The following TXNRD1 variants were observed in gnomAD, a reference collection of about 807,000 sequenced individuals.
The protein encoded by TXNRD1 is thioredoxin reductase 1, also known as thioredoxin reductase 1, cytoplasmic.
TXNRD1 carries 57 observed loss-of-function variants against 80.3 expected under a neutral mutation model. The ratio of observed to expected loss-of-function variants is 0.71; its 90% confidence interval spans 0.57 to 0.89. The LOEUF (loss-of-function observed/expected upper bound fraction) is 0.89, where lower values mean the gene tolerates loss of function less well. Among genes scored for constraint, TXNRD1 ranks in the 40% least tolerant of loss-of-function variants. The probability of loss-of-function intolerance (pLI) is 0.00; values close to 1 mark genes in which losing one functional copy is unlikely to be tolerated. For synonymous variants in TXNRD1, 291 were observed against 285.2 expected, an observed-to-expected ratio of 1.02 and a Z score of -0.20; for missense variants, 730 against 803.0, an observed-to-expected ratio of 0.91 and a Z score of 1.10.
intron 11 of TXNRD1, 112 bp from the exon 12 acceptor site, chr12:104,326,235 C>T: frequency 1.4e-6 from 1 of 712,434 alleles, no homozygotes; most frequent in Non-Finnish European, 2.3e-6. Flanking sequence ...ATATTTATTT[C>T]CAAGTTTGAA....
At chr12:104,303,116 AAGTT>A (rs2034707350) in intron 4 of TXNRD1, among the ~76,000 whole-genome samples, 1 of 152,030 alleles carries the variant, frequency 6.6e-6, no homozygotes, top group Admixed American at 6.6e-5. Context: ...TGGAGAACCA[AAGTT>A]CACCTGAGTA....
intron 12 of TXNRD1, 149 bp downstream of exon 12, chr12:104,326,572 TCTC>T: frequency 1.9e-6 from 1 of 526,932 alleles, no homozygotes; most frequent in Non-Finnish European, 3.4e-6. Flanking sequence ...ATCAAGCCAT[TCTC>T]CTGCCTCAGC....
At chr12:104,248,981 C>T (rs1306311793) in intron 1 of TXNRD1, among the ~76,000 whole-genome samples, 1 of 152,148 alleles carries the variant, frequency 6.6e-6, no homozygotes, top group Admixed American at 6.5e-5. Context: ...CGCCCCGGGC[C>T]CAGAGAAATT....
chr12:104,274,502 C>A (rs1428298878), intron 3 of TXNRD1, among the ~76,000 whole-genome samples: 2 of 151,950 alleles, frequency 1.3e-5, no homozygotes, highest in East Asian at 1.9e-4. Flanking sequence ...TCGAGAACAG[C>A]CTGGGCAACA....
chr12:104,304,853 A>C lies in TXNRD1; in HGVS notation c.415-6437A>C, dbSNP rs1402500667. The stretch of plus-strand genomic sequence containing the variant: ...TTGCCATGGCAGGAAACAGGGAGTT[A>C]TATCTTTGACTTTACAGGAGTGGAA... On this transcript the variant is annotated intron_variant, in intron 4 of 16. Coordinates refer to ENST00000525566, the MANE Select transcript of TXNRD1 (RefSeq NM_001093771.3). The C allele has an allele frequency of 2.5e-6, 4 of 1,613,846 alleles. No individual in the cohort carries two copies. Among genetic ancestry groups the C allele is most frequent in the Non-Finnish European group, 2.5e-6 (3 of 1,179,870 alleles).
At chr12:104,237,463 G>A (rs1435116536) in intron 1 of TXNRD1, among the ~76,000 whole-genome samples, 1 of 152,214 alleles carries the variant, frequency 6.6e-6, no homozygotes, top group African/African-American at 2.4e-5. Flanking sequence ...TCCTTTTGGG[G>A]ACCCAAAATC....
intron 3 of TXNRD1, among the ~76,000 whole-genome samples, chr12:104,264,474 C>A (rs1432642905): frequency 1.3e-5 from 2 of 152,096 alleles, no homozygotes; most frequent in African/African-American, 4.8e-5. Context: ...ATGAATGAGG[C>A]TCAAAATATT....
chr12:104,249,935 C>CAAAAAAAAAAAAAAAAAAAAAAAA (rs59924751), intron 1 of TXNRD1, among the ~76,000 whole-genome samples: 1 of 102,544 alleles, frequency 9.8e-6, no homozygotes, highest in Non-Finnish European at 1.9e-5. Flanking sequence ...GACGCCGTCT[C>CAAAAAAAAAAAAAAAAAAAAAAAA]AAAAAAAAAA....
At chr12:104,302,646 C>T (rs1334752437) in intron 4 of TXNRD1, among the ~76,000 whole-genome samples, 28 of 152,190 alleles carry the variant, frequency 1.8e-4, no homozygotes, top group Middle Eastern at 3.4e-3. Context: ...CCTGCCACCG[C>T]GCCCGGCTAA....
At chr12:104,254,164 GGAT>G (rs985685227) in intron 2 of TXNRD1, among the ~76,000 whole-genome samples, 7 of 151,998 alleles carry the variant, frequency 4.6e-5, no homozygotes, top group Non-Finnish European at 7.4e-5. Context: ...TGTAAAATGT[GGAT>G]GATAATAGTA....
At chr12:104,294,332 G>C (rs1379836462) in intron 4 of TXNRD1, among the ~76,000 whole-genome samples, 1 of 151,272 alleles carries the variant, frequency 6.6e-6, no homozygotes. Context: ...TTGGTGACGG[G>C]CGTCTTCCCA....
At position 104,268,917 on chromosome 12, in the gene TXNRD1, CT is replaced by C. The variant is rs34134230; in HGVS notation, c.304+10856del. ...TATTATAAATCCGTTGTTGTCATTT[CT>C]TTTTTTTTTTTTTTTTTGAGATAGA... On this transcript the variant is annotated intron_variant, in intron 3 of 16. Transcript: ENST00000525566. 3.5e-3 allele frequency among the ~76,000 whole-genome samples: 447 copies of C among 127,788 alleles called. 1 individual carries two copies. Among genetic ancestry groups the C allele is most frequent in the African/African-American group, 8.3e-3 (286 of 34,602 alleles). The allele number at this position is 127,788 out of a possible 152,430, so 83.8% of individuals were successfully genotyped here.
At chr12:104,289,310 C>T (rs2034093349) in intron 4 of TXNRD1, 2 of 327,214 alleles carry the variant, frequency 6.1e-6, no homozygotes, top group Non-Finnish European at 1.1e-5. Flanking sequence ...TCCTATTTCC[C>T]CTTCCTCTTT....
At chr12:104,301,878 T>C (rs1201997541) in intron 4 of TXNRD1, among the ~76,000 whole-genome samples, 1 of 152,246 alleles carries the variant, frequency 6.6e-6, no homozygotes, top group Non-Finnish European at 1.5e-5. Flanking sequence ...ATAAGAACTT[T>C]TTCTGAAGAG....
rs557961762 is a variant in TXNRD1, at chr12:104,339,166, G to A, written c.1774G>A (p.Gly592Ser). ...NERVVGFHVL[G>S]PNAGEVTQGF... ...ACGTGTTGTGGGCTTTCACGTACTG[G>A]GTCCAAATGCTGGAGAAGTTACACA... Residue 592 changes from glycine to serine, a missense_variant, in exon 16 of 17, where the codon GGT becomes AGT. Physicochemically the swap from Gly to Ser is moderately conservative, Grantham distance 56. Transcript: ENST00000525566. 3 of 1,613,956 alleles carry A rather than the reference G, an allele frequency of 1.9e-6. No individual in the cohort carries two copies. The highest frequency in any genetic ancestry group is 2.5e-6 in the Non-Finnish European group (3 of 1,179,892).
At chr12:104,258,663 T>A (rs4964271) in intron 3 of TXNRD1, among the ~76,000 whole-genome samples, 1 of 152,102 alleles carries the variant, frequency 6.6e-6, no homozygotes, top group Admixed American at 6.6e-5. Flanking sequence ...TGGTGACTCA[T>A]GCCTCTAATC....
At chr12:104,216,818 G>T (rs2032225488) in intron 1 of TXNRD1, among the ~76,000 whole-genome samples, 1 of 152,200 alleles carries the variant, frequency 6.6e-6, no homozygotes, top group South Asian at 2.1e-4. Flanking sequence ...AAAGTGCCTT[G>T]CCCAATGGCT....
chr12:104,332,371 T>G (rs896147130), intron 14 of TXNRD1, among the ~76,000 whole-genome samples: 3 of 152,190 alleles, frequency 2.0e-5, no homozygotes, highest in African/African-American at 7.2e-5. Context: ...CTTAATAATC[T>G]TTTTCTTTAT....
At chr12:104,279,203 A>G (rs1565875015) in intron 3 of TXNRD1, among the ~76,000 whole-genome samples, 1 of 152,236 alleles carries the variant, frequency 6.6e-6, no homozygotes, top group African/African-American at 2.4e-5. Flanking sequence ...TCATCACCAC[A>G]GAAAGTCCTC....
Sources: gnomAD v4.1 joint callset for allele counts (sites outside exome capture counted in the v4.1 genomes callset) on GRCh38, gnomAD v4.1.1 for gene constraint, MANE v1.5 for transcripts, NCBI Gene and HGNC (gene_info 2026-07-23, HGNC 2026-07-21) for gene names.